SHANK2: variants seen among roughly 807,000 people sequenced by gnomAD.
SHANK2 encodes the protein SH3 and multiple ankyrin repeat domains protein 2.
Under a neutral mutation model 133.7 loss-of-function variants are expected in SHANK2, and 43 were observed. The ratio of observed to expected loss-of-function variants is 0.32; its 90% CI spans 0.25 to 0.41. The LOEUF (loss-of-function observed/expected upper bound fraction) is 0.41, where lower values mean the gene tolerates loss of function less well. Among genes scored for constraint, SHANK2 ranks in the 10% least tolerant of loss-of-function variants. SHANK2 has a pLI of 1.00. For missense variants in SHANK2, 1,994 were observed against 2,235.8 expected, an observed-to-expected ratio of 0.89 and a Z score of 2.18; for synonymous variants, 1,017 against 952.8, an observed-to-expected ratio of 1.07 and a Z score of -1.24.
At chr11:71,103,558 T>G (rs1951752630) in intron 6 of SHANK2, among the ~76,000 whole-genome samples, 1 of 152,200 alleles carries the variant, frequency 6.6e-6, no homozygotes, top group Non-Finnish European at 1.5e-5. Context: ...CCGTAGTTGA[T>G]GCTGATGACA....
At chr11:71,168,606 C>T (rs1018330340) in intron 2 of SHANK2, among the ~76,000 whole-genome samples, 1 of 152,188 alleles carries the variant, frequency 6.6e-6, no homozygotes. Flanking sequence ...GCGGATCACT[C>T]GCAGTTAGGA....
At chr11:70,562,098 G>T (rs1042977023) in intron 17 of SHANK2, among the ~76,000 whole-genome samples, 1 of 152,010 alleles carries the variant, frequency 6.6e-6, no homozygotes, top group African/African-American at 2.4e-5. Context: ...AATATCTGGG[G>T]GATTTTCTAG....
chr11:70,636,051 C>A, intron 17 of SHANK2, among the ~76,000 whole-genome samples: 1 of 152,378 alleles, frequency 6.6e-6, no homozygotes, highest in East Asian at 1.9e-4. Context: ...CCCACCCTCA[C>A]CTCAGCTCTA....
At chr11:70,514,736 C>T (rs970490071) in intron 17 of SHANK2, among the ~76,000 whole-genome samples, 77 of 152,070 alleles carry the variant, frequency 5.1e-4, no homozygotes, top group African/African-American at 1.7e-3. Flanking sequence ...TACAGTGTAA[C>T]GCCAATGGAA....
chr11:70,687,116 T>C (rs1555019809), intron 15 of SHANK2, among the ~76,000 whole-genome samples: 1 of 152,248 alleles, frequency 6.6e-6, no homozygotes, highest in Admixed American at 6.5e-5. Flanking sequence ...TTATGGCAGT[T>C]TCAGGCCCAA....
At chr11:70,609,190 G>A (rs1230259263) in intron 17 of SHANK2, among the ~76,000 whole-genome samples, 2 of 152,236 alleles carry the variant, frequency 1.3e-5, no homozygotes, top group Non-Finnish European at 2.9e-5. Flanking sequence ...TGCTGCTGAG[G>A]CAAGGCTCCG....
chr11:71,096,813 A>G (rs1951622741), intron 6 of SHANK2, among the ~76,000 whole-genome samples: 1 of 152,162 alleles, frequency 6.6e-6, no homozygotes, highest in Admixed American at 6.5e-5. Flanking sequence ...TTAACATATA[A>G]TTTTCATAGC....
chr11:70,628,683 C>T (rs11236958), intron 17 of SHANK2, among the ~76,000 whole-genome samples: 2,252 of 152,284 alleles, frequency 0.015, 26 homozygotes, highest in Middle Eastern at 0.024. Flanking sequence ...TCCGGCTTCC[C>T]GAGCTCCAGG....
chr11:70,741,319 G>A (rs1946522258), intron 14 of SHANK2, among the ~76,000 whole-genome samples: 2 of 142,132 alleles, frequency 1.4e-5, no homozygotes, highest in Non-Finnish European at 3.1e-5. Context: ...ATCCATCCAT[G>A]CATCCAACTA....
chr11:70,611,442 C>G (rs190319281), intron 17 of SHANK2, among the ~76,000 whole-genome samples: 230 of 152,360 alleles, frequency 1.5e-3, no homozygotes, highest in Non-Finnish European at 2.4e-3. Flanking sequence ...CCCTGCTTCC[C>G]CATCTTCCCT....
intron 11 of SHANK2, among the ~76,000 whole-genome samples, chr11:70,835,362 C>T (rs146557592): frequency 6.6e-6 from 1 of 152,336 alleles, no homozygotes; most frequent in Non-Finnish European, 1.5e-5. Flanking sequence ...TTCTCGAGGA[C>T]ACAGGACGCT....
chr11:70,639,524 A>G (rs1565204521), intron 17 of SHANK2, among the ~76,000 whole-genome samples: 15 of 152,092 alleles, frequency 9.9e-5, no homozygotes. Context: ...CTAAAACACC[A>G]TCACACTGTG....
intron 10 of SHANK2, among the ~76,000 whole-genome samples, chr11:70,945,542 ACTT>A (rs1178059154): frequency 1.3e-5 from 2 of 151,870 alleles, no homozygotes; most frequent in African/African-American, 2.4e-5. Flanking sequence ...CACCACAACC[ACTT>A]CTTCATTTCA....
intron 17 of SHANK2, among the ~76,000 whole-genome samples, chr11:70,505,054 G>A (rs948977031): frequency 5.9e-5 from 9 of 152,146 alleles, no homozygotes; most frequent in Admixed American, 2.0e-4. Flanking sequence ...AGTTTTGGCC[G>A]ACACACAAAG....
chr11:70,840,052 C>T (rs1948878976), intron 11 of SHANK2, among the ~76,000 whole-genome samples: 1 of 152,176 alleles, frequency 6.6e-6, no homozygotes, highest in Non-Finnish European at 1.5e-5. Flanking sequence ...GGGCTGAAGG[C>T]AGAGGGCGTG....
At chr11:70,720,561 AC>A (rs1299921275) in intron 14 of SHANK2, among the ~76,000 whole-genome samples, 3 of 152,154 alleles carry the variant, frequency 2.0e-5, no homozygotes, top group Non-Finnish European at 2.9e-5. Flanking sequence ...CATCCGTCAC[AC>A]CCCCATGGCA....
At chr11:71,119,890 T>C (rs2135271871) in intron 3 of SHANK2, among the ~76,000 whole-genome samples, 1 of 152,298 alleles carries the variant, frequency 6.6e-6, no homozygotes, top group Non-Finnish European at 1.5e-5. Flanking sequence ...GATCGTTCTT[T>C]AGCATTTCAG....
At chr11:70,531,628 G>A (rs1240068861) in intron 17 of SHANK2, among the ~76,000 whole-genome samples, 1 of 152,220 alleles carries the variant, frequency 6.6e-6, no homozygotes, top group Admixed American at 6.5e-5. Flanking sequence ...GCCTTGCTGT[G>A]TGGCCACAGG....
At chr11:71,195,367 G>A (rs1953881814) in intron 2 of SHANK2, among the ~76,000 whole-genome samples, 1 of 152,038 alleles carries the variant, frequency 6.6e-6, no homozygotes, top group African/African-American at 2.4e-5. Flanking sequence ...ACTCCAGCCT[G>A]GGTGACAGAG....
Sources: gnomAD v4.1 joint callset for allele counts (sites outside exome capture counted in the v4.1 genomes callset) on GRCh38, gnomAD v4.1.1 for gene constraint, MANE v1.5 for transcripts, NCBI Gene and HGNC (gene_info 2026-07-23, HGNC 2026-07-21) for gene names.